HDAC4: variants seen among roughly 807,000 people sequenced by gnomAD.
HDAC4 encodes histone deacetylase 4.
In HDAC4, 16 loss-of-function variants were observed where a neutral mutation model predicts 135.1. The observed-to-expected ratio is 0.12, with a 90% CI of 0.08 to 0.18. HDAC4 has a LOEUF of 0.18. HDAC4 is among the 10% of genes least tolerant of loss of function. The probability of loss-of-function intolerance (pLI) is 1.00; values close to 1 mark genes in which losing one functional copy is unlikely to be tolerated. For synonymous variants in HDAC4, 685 were observed against 653.4 expected, an observed-to-expected ratio of 1.05 and a Z score of -0.74; for missense variants, 1,143 against 1,511.8, an observed-to-expected ratio of 0.76 and a Z score of 4.05.
rs373123904 is a variant in HDAC4 at position 239,126,468 on chromosome 2, C to T, written c.1521G>A (p.Leu507=). The T allele has an allele frequency of 7.4e-6, 12 of 1,613,730 alleles. No individual in the cohort carries two copies. Among genetic ancestry groups the T allele is most frequent in the African/African-American group, 2.7e-5 (2 of 74,940 alleles). ...KHKQQFQQQQ[L]QMNKIIPKPS... The stretch of plus-strand genomic sequence containing the variant: ...CCGGCAAACCCACCTTGTTCATCTG[C>T]AGTTGCTGCTGCTGGAACTGCTGCT... Residue 507 remains leucine (L), a synonymous_variant, in exon 12 of 27, where the codon CTG becomes CTA. Transcript: ENST00000543185.
Position 239,189,284 on chromosome 2 carries a change from T to A in HDAC4, c.339+549A>T, listed in dbSNP as rs1002335357. Among the ~76,000 whole-genome samples, 119 of 152,342 alleles carry A rather than the reference T, an allele frequency of 7.8e-4. 1 individual carries two copies. The highest frequency in any genetic ancestry group is 2.4e-3 in the African/African-American group (99 of 41,564). ...AACTTTGCTACATATCACTAGTACA[T>A]ATTTCCAATTGATTTAATTTTAAAA... is the stretch of plus-strand genomic sequence containing the variant. On this transcript the variant is annotated intron_variant, in intron 4 of 26. Coordinates refer to ENST00000543185, the MANE Select transcript of HDAC4 (RefSeq NM_001378414.1).
chr2:239,174,214 T>C (rs1478591022), intron 5 of HDAC4, among the ~76,000 whole-genome samples: 2 of 152,112 alleles, frequency 1.3e-5, no homozygotes, highest in African/African-American at 4.8e-5. Flanking sequence ...GCCTGAAAGA[T>C]AACATTAAGA....
In HDAC4 at chr2:239,115,015, C is replaced by T. The variant is rs199557145; in HGVS notation, c.1791+38G>A. 40 of 1,603,308 alleles carry T rather than the reference C, an allele frequency of 2.5e-5. No individual in the cohort carries two copies. The East Asian group carries it at 4.2e-4, about 17-fold the overall frequency. On this transcript the variant is annotated intron_variant, in intron 13 of 26. Transcript: ENST00000543185. The surrounding 1 kb of genome is among the most constrained non-coding windows in gnomAD (Gnocchi z 6.3). ...CACCTGGGGACCGAGGGTGGCTGTGCGTGCCAGCCTTCTGGTGCCCTCCCC... is the reference window on the plus strand; with the variant it reads ...CACCTGGGGACCGAGGGTGGCTGTGTGTGCCAGCCTTCTGGTGCCCTCCCC...
At chr2:239,376,217 C>T (rs1694994209) in intron 1 of HDAC4, among the ~76,000 whole-genome samples, 1 of 150,264 alleles carries the variant, frequency 6.7e-6, no homozygotes, top group Admixed American at 6.6e-5. Context: ...AAGGCAGGTG[C>T]TGTGTGCTCA....
intron 3 of HDAC4, among the ~76,000 whole-genome samples, chr2:239,200,704 A>G (rs186633727): frequency 2.0e-5 from 3 of 152,354 alleles, no homozygotes; most frequent in African/African-American, 7.2e-5. Context: ...GAGAAGATAC[A>G]GTGGTATTTA....
intron 2 of HDAC4, among the ~76,000 whole-genome samples, chr2:239,269,450 TC>T (rs1197274450): frequency 6.6e-6 from 1 of 152,230 alleles, no homozygotes. Flanking sequence ...GCCAGGTAAC[TC>T]CTGCAGGTGT....
At chr2:239,337,265 G>A (rs928362746) in intron 2 of HDAC4, among the ~76,000 whole-genome samples, 3 of 152,146 alleles carry the variant, frequency 2.0e-5, no homozygotes, top group Non-Finnish European at 4.4e-5. Context: ...AGATGCACGT[G>A]AGACTCAGCT....
intron 11 of HDAC4, among the ~76,000 whole-genome samples, chr2:239,127,837 C>T (rs559093967): frequency 1.3e-5 from 2 of 152,370 alleles, no homozygotes; most frequent in South Asian, 2.1e-4. Context: ...TGTCCTGTCC[C>T]TCCCCCAGGA....
intron 14 of HDAC4, among the ~76,000 whole-genome samples, chr2:239,109,851 T>C (rs994745673): frequency 6.6e-6 from 1 of 152,140 alleles, no homozygotes; most frequent in Non-Finnish European, 1.5e-5. Flanking sequence ...CATGATAAGG[T>C]CACGTGCGCT....
chr2:239,075,672 G>A (rs1260355261), intron 22 of HDAC4, among the ~76,000 whole-genome samples: 2 of 152,222 alleles, frequency 1.3e-5, no homozygotes, highest in South Asian at 2.1e-4. Flanking sequence ...GGGGTGCCAC[G>A]CATCCCCTTC....
At chr2:239,091,661 C>G (rs555759485) in intron 17 of HDAC4, 3 of 152,166 alleles carry the variant, frequency 2.0e-5, no homozygotes, top group Non-Finnish European at 4.4e-5. Context: ...TCTTTCCAGG[C>G]GGTCTTGAAG....
At chr2:239,108,577 T>C (rs973963740) in intron 14 of HDAC4, among the ~76,000 whole-genome samples, 8 of 152,114 alleles carry the variant, frequency 5.3e-5, no homozygotes, top group Non-Finnish European at 7.4e-5. Flanking sequence ...TGCTGACTTC[T>C]AGAAGGAGGC....
intron 1 of HDAC4, among the ~76,000 whole-genome samples, chr2:239,371,761 C>T (rs558419057): frequency 4.6e-5 from 7 of 152,336 alleles, no homozygotes; most frequent in South Asian, 2.1e-4. Flanking sequence ...CGGCGTGGCC[C>T]GGGCCTTTAC....
chr2:239,199,837 C>G (rs1012849801), intron 3 of HDAC4, among the ~76,000 whole-genome samples: 2 of 152,064 alleles, frequency 1.3e-5, no homozygotes, highest in African/African-American at 4.8e-5. Flanking sequence ...GGGCTCACGC[C>G]ATTCTCCTGC....
chr2:239,384,063 CAGAG>C (rs2126070380), intron 1 of HDAC4, among the ~76,000 whole-genome samples: 1 of 152,326 alleles, frequency 6.6e-6, no homozygotes, highest in South Asian at 2.1e-4. Context: ...CGGACACAGA[CAGAG>C]AAGCAGCTCG....
At position 239,053,381 on chromosome 2, in the gene HDAC4, G is replaced by T. The variant is rs1049918183; in HGVS notation, c.3230+79C>A. 74 of 1,553,176 alleles carry T rather than the reference G, an allele frequency of 4.8e-5. 1 individual carries two copies. Among genetic ancestry groups the T allele is most frequent in the South Asian group, 2.1e-4 (18 of 84,344 alleles). On this transcript the variant is annotated intron_variant, in intron 26 of 26. Transcript: ENST00000543185. Reference sequence around the variant, plus strand: ...GTTGGGCAGGGCATGTGCCATAAAGGTTCTGACCCTGAATAGTGTGTCAGT... The same window carrying T: ...GTTGGGCAGGGCATGTGCCATAAAGTTTCTGACCCTGAATAGTGTGTCAGT...
At chr2:239,392,506 T>C (rs1696296078) in intron 1 of HDAC4, among the ~76,000 whole-genome samples, 1 of 152,062 alleles carries the variant, frequency 6.6e-6, no homozygotes, top group South Asian at 2.1e-4. Flanking sequence ...ACTTTAAAGG[T>C]CCAAAAGGTC....
intron 2 of HDAC4, among the ~76,000 whole-genome samples, chr2:239,277,231 G>A (rs769453193): frequency 5.9e-5 from 9 of 152,214 alleles, no homozygotes; most frequent in African/African-American, 1.9e-4. Context: ...TCCCAGAGCC[G>A]AGCCCGGTGA....
chr2:239,049,804 G>C lies in HDAC4; in HGVS notation c.*3293C>G, dbSNP rs2030548659. 6.6e-6 allele frequency: 1 copy of C among 152,322 alleles called. No individual in the cohort carries two copies. The highest frequency in any genetic ancestry group is 1.5e-5 in the Non-Finnish European group (1 of 68,058). 9.4% of individuals were successfully genotyped at this position (152,322 alleles called of 1,614,324 possible). A position where few individuals can be genotyped will look rare whatever the true frequency, so the allele number is the denominator to read the frequency against. On this transcript the variant is annotated 3_prime_UTR_variant, in exon 27 of 27. Transcript: ENST00000543185. ...CCAGCGGGCCACGGCCTCCGGGACA[G>C]CCGCCTGCTGGTGGGGCGTGGGCAC... is the stretch of plus-strand genomic sequence containing the variant.
Sources: allele counts gnomAD v4.1 joint callset (sites outside exome capture counted in the v4.1 genomes callset), GRCh38; gene constraint gnomAD v4.1.1; non-coding constraint Gnocchi (gnomAD v3.1); transcripts MANE v1.5; gene names NCBI Gene and HGNC (gene_info 2026-07-23, HGNC 2026-07-21).